The following VWF variants were observed in gnomAD, a reference collection of about 807,000 sequenced individuals.
VWF encodes von Willebrand factor, also known as Factor VIII related antigen.
Under a neutral mutation model 308.6 loss-of-function variants are expected in VWF, and 176 were observed. The observed-to-expected ratio is 0.57, with a 90% CI of 0.50 to 0.65. The LOEUF is 0.65. VWF is among the 30% of genes least tolerant of loss of function. The pLI is 0.00. For missense variants in VWF, 3,146 were observed against 3,648.2 expected, an observed-to-expected ratio of 0.86 and a Z score of 3.55; for synonymous variants, 1,385 against 1,443.4, an observed-to-expected ratio of 0.96 and a Z score of 0.92.
chr12:6,090,613 TC>T (rs1945022798), intron 6 of VWF, among the ~76,000 whole-genome samples: 2 of 98,062 alleles, frequency 2.0e-5, no homozygotes, highest in Non-Finnish European at 4.1e-5. Flanking sequence ...CTCCTCCTCC[TC>T]CTCCTCCTCC....
intron 34 of VWF, among the ~76,000 whole-genome samples, chr12:6,009,813 C>A (rs1943971135): frequency 6.6e-6 from 1 of 152,174 alleles, no homozygotes; most frequent in Non-Finnish European, 1.5e-5. Context: ...AGAAGGAAAT[C>A]CTTTCATATG....
At chr12:6,077,815 G>A (rs745617612) in intron 6 of VWF, among the ~76,000 whole-genome samples, 17 of 152,134 alleles carry the variant, frequency 1.1e-4, no homozygotes, top group Admixed American at 2.6e-4. Context: ...AAGCAATGAC[G>A]AGGGAGACTG....
intron 40 of VWF, 50 bp from the exon 41 acceptor site, chr12:5,983,304 T>C (rs534832080): frequency 6.4e-7 from 1 of 1,564,698 alleles, no homozygotes; most frequent in African/African-American, 1.4e-5. Flanking sequence ...AAGGTTACTC[T>C]TTTATTACCT....
chr12:5,975,039 G>A (rs1341919208), intron 43 of VWF, among the ~76,000 whole-genome samples: 1 of 152,222 alleles, frequency 6.6e-6, no homozygotes, highest in Non-Finnish European at 1.5e-5. Context: ...TGTGAGAGGA[G>A]AAGAAAACCA....
intron 5 of VWF, among the ~76,000 whole-genome samples, chr12:6,104,532 A>T (rs1299226509): frequency 6.6e-6 from 1 of 151,954 alleles, no homozygotes; most frequent in Non-Finnish European, 1.5e-5. Context: ...CTAAAAAAAT[A>T]CAAAAGAAAA....
intron 6 of VWF, among the ~76,000 whole-genome samples, chr12:6,083,425 C>T (rs149884146): frequency 2.9e-4 from 44 of 152,236 alleles, no homozygotes; most frequent in African/African-American, 9.1e-4. Flanking sequence ...ATTAGCCAGG[C>T]GTGGTGGCAC....
In VWF at chr12:6,036,418, C is replaced by G. The variant is rs1757852497; in HGVS notation, c.2516G>C (p.Gly839Ala). 1 of 1,613,974 alleles carries G rather than the reference C, an allele frequency of 6.2e-7. No homozygotes were observed. The highest frequency in any genetic ancestry group is 8.5e-7 in the Non-Finnish European group (1 of 1,179,906). The part of the protein sequence containing the change: ...CFHQGKEYAP[G>A]ETVKIGCNTC... The stretch of plus-strand genomic sequence containing the variant: ...GTTGCAGCCAATCTTCACTGTTTCT[C>G]CAGGGGCATACTCCTTGCCCTGATG... Residue 839 changes from glycine to alanine, a missense_variant, in exon 19 of 52, where the codon GGA becomes GCA. By Grantham distance (60) the Gly-to-Ala change is moderately conservative. Transcript: ENST00000261405.
intron 19 of VWF, among the ~76,000 whole-genome samples, chr12:6,035,333 G>A (rs1041671191): frequency 1.1e-4 from 16 of 152,216 alleles, no homozygotes; most frequent in African/African-American, 3.6e-4. Flanking sequence ...ATAGCTACAC[G>A]TTAAGATGTA....
At chr12:6,105,313 C>T (rs748000912) in intron 5 of VWF, among the ~76,000 whole-genome samples, 1 of 152,132 alleles carries the variant, frequency 6.6e-6, no homozygotes, top group Non-Finnish European at 1.5e-5. Flanking sequence ...ATTGCAACCT[C>T]CGTCCCCTGG....
intron 6 of VWF, among the ~76,000 whole-genome samples, chr12:6,092,626 T>TGAGA (rs1242670462): frequency 2.4e-5 from 2 of 83,492 alleles, no homozygotes; most frequent in African/African-American, 1.3e-4. Context: ...AGAGTGTGTG[T>TGAGA]GTGTGTGTGT....
At chr12:5,955,625 C>T (rs1254827280) in intron 47 of VWF, among the ~76,000 whole-genome samples, 2 of 151,924 alleles carry the variant, frequency 1.3e-5, no homozygotes, top group African/African-American at 4.8e-5. Context: ...CATTGTTGGA[C>T]ATATGGGTTG....
At chr12:6,038,531 C>CATGGCCCAGGGAGACCG (rs1944362460) in intron 18 of VWF, among the ~76,000 whole-genome samples, 1 of 8,662 alleles carries the variant, frequency 1.2e-4, no homozygotes, top group African/African-American at 5.2e-4. Flanking sequence ...CCCACCATGC[C>CATGGCCCAGGGAGACCG]TCCTGTCACC....
chr12:6,063,877 G>C lies in VWF; in HGVS notation c.1432+369C>G, dbSNP rs1471586322. 6.6e-6 allele frequency among the ~76,000 whole-genome samples: 1 copy of C among 152,012 alleles called. No individual in the cohort carries two copies. Among genetic ancestry groups the C allele is most frequent in the Non-Finnish European group, 1.5e-5 (1 of 68,006 alleles). On this transcript the variant is annotated intron_variant, in intron 12 of 51. Transcript: ENST00000261405. This position sits in a 1 kb window ranked among gnomAD's most constrained non-coding sequence, Gnocchi z 4.9. ...ATCACCAGCCACCCCCGATCTCTCA[G>C]CATCAGCCTCTGCCCCTGTCCCACC...
In VWF at chr12:6,004,015, C is replaced by T. The variant is rs373091618; in HGVS notation, c.5842+7602G>A. Among the ~76,000 whole-genome samples the T allele has an allele frequency of 1.4e-3, 207 of 151,966 alleles. 2 individuals are homozygous for T. The highest frequency in any genetic ancestry group is 4.8e-3 in the African/African-American group (197 of 41,448). ...TATTTTTAGTAGAGACGGGGTTTCA[C>T]CGTGTGTTAGCCAGGCTGGTCTCAA... On this transcript the variant is annotated intron_variant, in intron 34 of 51. Transcript: ENST00000261405.
intron 16 of VWF, among the ~76,000 whole-genome samples, chr12:6,051,280 T>A (rs985433840): frequency 2.7e-5 from 3 of 110,094 alleles, no homozygotes; most frequent in Non-Finnish European, 5.4e-5. Flanking sequence ...CAGGACTTCT[T>A]TTTTTCTTTT....
chr12:6,123,555 C>T (rs958621512), intron 1 of VWF, among the ~76,000 whole-genome samples: 9 of 152,200 alleles, frequency 5.9e-5, no homozygotes, highest in Non-Finnish European at 1.2e-4. Context: ...TTCCTTCCTG[C>T]CTCTGCATCC....
At chr12:6,006,192 T>C (rs548676711) in intron 34 of VWF, among the ~76,000 whole-genome samples, 32 of 152,280 alleles carry the variant, frequency 2.1e-4, no homozygotes, top group African/African-American at 7.7e-4. Context: ...TAGACTGTTA[T>C]AAGTATAGGC....
chr12:6,092,634 T>TGAGAGTGAGAGAGAGAGA (rs1565386750), intron 6 of VWF, among the ~76,000 whole-genome samples: 1 of 79,262 alleles, frequency 1.3e-5, no homozygotes, highest in African/African-American at 7.9e-5. Context: ...TGTGTGTGTG[T>TGAGAGTGAGAGAGAGAGA]GTGTGTGTGT....
At chr12:6,072,182 C>T (rs929595165) in intron 9 of VWF, 149 bp downstream of exon 9, 2 of 696,324 alleles carry the variant, frequency 2.9e-6, no homozygotes, top group African/African-American at 1.7e-5. Context: ...CACACCTGTC[C>T]CTAGCCCCCA....
Sources: allele counts gnomAD v4.1 joint callset (sites outside exome capture counted in the v4.1 genomes callset), GRCh38; gene constraint gnomAD v4.1.1; non-coding constraint Gnocchi (gnomAD v3.1); transcripts MANE v1.5; gene names NCBI Gene and HGNC (gene_info 2026-07-23, HGNC 2026-07-21).